The following ZNF836 variants were observed in gnomAD, a reference collection of about 807,000 sequenced individuals.
ZNF836 encodes the protein zinc finger protein 836.
Under a neutral mutation model 7.4 loss-of-function variants are expected in ZNF836, and 12 were observed. The observed-to-expected ratio is 1.61, with a 90% confidence interval of 1.03 to 2.61. ZNF836 has a LOEUF of 2.61. ZNF836 is among the 30% of genes most tolerant of loss of function. The pLI is 0.00. For missense variants in ZNF836, 998 were observed against 1,126.2 expected (o/e 0.89, Z 1.63); for synonymous variants, 365 against 382.6 (o/e 0.95, Z 0.54).
Position 52,171,522 on chromosome 19 carries a change from G to A in ZNF836, c.-401C>T, listed in dbSNP as rs2089308035. ...CTTTTCCCCGCGCGATCTGCTTCCG[G>A]GTGTGCAGGAAGCTACACGCCCTGA... On this transcript the variant is annotated 5_prime_UTR_variant, in exon 1 of 5. Coordinates refer to ENST00000682614, the MANE Select transcript of ZNF836 (RefSeq NM_001102657.3). 6.6e-6 allele frequency: 1 copy of A among 152,256 alleles called. No homozygotes were observed. Among genetic ancestry groups the A allele is most frequent in the African/African-American group, 2.4e-5 (1 of 41,452 alleles). 9.4% of individuals were successfully genotyped at this position (152,256 alleles called of 1,614,324 possible).
Position 52,156,325 on chromosome 19 carries a change from T to C in ZNF836, c.1358A>G (p.Gln453Arg). 6.2e-7 allele frequency: 1 copy of C among 1,614,196 alleles called. No homozygotes were observed. The highest frequency in any genetic ancestry group is 8.5e-7 in the Non-Finnish European group (1 of 1,180,026). Residue 453 changes from glutamine to arginine, a missense_variant, in exon 5 of 5, where the codon CAA becomes CGA. Physicochemically the swap from Gln to Arg is conservative, Grantham distance 43 (BLOSUM62 1). Coordinates refer to ENST00000682614, the MANE Select transcript of ZNF836 (RefSeq NM_001102657.3). ...TCDVCDKVFS[Q>R]RSQLARHQRS... ...CTGGTGCCTTGCAAGTTGTGAACGT[T>C]GACTGAAGACCTTGTCGCATACATC...
Position 52,156,024 on chromosome 19 carries a change from A to G in ZNF836, c.1659T>C (p.Pro553=). The change falls in exon 5 of 5, where the codon CCT becomes CCC. Residue 553 remains proline (P), a synonymous_variant. Coordinates refer to ENST00000682614, the MANE Select transcript of ZNF836 (RefSeq NM_001102657.3). ...RHLRIHTGEQ[P]YKCNVCGKVF... ...CCTTGCCACACACATTACATTTGTA[A>G]GGTTGCTCCCCAGTATGAATTCTTA... 3.1e-6 allele frequency: 5 copies of G among 1,614,006 alleles called. No homozygotes were observed. The highest frequency in any genetic ancestry group is 4.2e-6 in the Non-Finnish European group (5 of 1,179,888).
chr19:52,163,330 C>G (rs1031117993), intron 3 of ZNF836, among the ~76,000 whole-genome samples: 2 of 152,186 alleles, frequency 1.3e-5, no homozygotes, highest in Admixed American at 1.3e-4. Context: ...TTTTCCAAAT[C>G]TTTACACTGG....
chr19:52,156,280 T>A lies in ZNF836; in HGVS notation c.1403A>T (p.Lys468Ile). The A allele has an allele frequency of 6.2e-7, 1 of 1,614,220 alleles. No individual in the cohort carries two copies. Among genetic ancestry groups the A allele is most frequent in the Non-Finnish European group, 8.5e-7 (1 of 1,180,042 alleles). ...GCCACATTCATTGCATTTGTAAGGT[T>A]TCTCTCCAGTATGACTTCTCTGGTG... ...ARHQRSHTGE[K>I]PYKCNECGKV... is the part of the protein sequence containing the mutation. The change falls in exon 5 of 5, where the codon AAA (lysine) becomes ATA (isoleucine). Residue 468 changes from lysine to isoleucine, a missense_variant. Transcript: ENST00000682614.
At chr19:52,164,449 A>G (rs553042499) in intron 3 of ZNF836, among the ~76,000 whole-genome samples, 5,896 of 137,058 alleles carry the variant, frequency 0.043, 191 homozygotes, top group African/African-American at 0.079. Flanking sequence ...GAGAGAGAGA[A>G]AAGGAAGGAA....
chr19:52,167,965 G>C (rs2089279996), intron 3 of ZNF836, 93 bp downstream of exon 3: 2 of 925,082 alleles, frequency 2.2e-6, no homozygotes, highest in Admixed American at 3.9e-5. Flanking sequence ...GTGTCAGGCA[G>C]GATGCTTCAG....
At chr19:52,167,905 T>A (rs1420869711) in intron 3 of ZNF836, among the ~76,000 whole-genome samples, 153 bp downstream of exon 3, 1 of 152,100 alleles carries the variant, frequency 6.6e-6, no homozygotes, top group Non-Finnish European at 1.5e-5. Context: ...AGATAGAAGC[T>A]AAATGAGATG....
Position 52,156,836 on chromosome 19 carries a change from A to T in ZNF836, c.847T>A (p.Phe283Ile). 6.2e-7 allele frequency: 1 copy of T among 1,614,202 alleles called. No individual in the cohort carries two copies. Among genetic ancestry groups the T allele is most frequent in the East Asian group, 2.2e-5 (1 of 44,880 alleles). The change falls in exon 5 of 5, where the codon TTC becomes ATC. Residue 283 changes from phenylalanine (F) to isoleucine (I), a missense_variant. Transcript: ENST00000682614. ...TTTACAAGATCTGAATTTTGTCTGA[A>T]GATCTTGCCACATACACCACATTGA... ...PYQCGVCGKIFRQNSDLVNHR... is the reference protein window; with the variant it reads ...PYQCGVCGKIIRQNSDLVNHR...
intron 3 of ZNF836, among the ~76,000 whole-genome samples, chr19:52,162,058 G>T (rs973396680): frequency 1.3e-5 from 2 of 152,160 alleles, no homozygotes; most frequent in African/African-American, 4.8e-5. Context: ...TTGACTCCGT[G>T]TCCCACCTTC....
intron 3 of ZNF836, among the ~76,000 whole-genome samples, chr19:52,163,720 C>G (rs1278735861): frequency 1.3e-5 from 2 of 152,034 alleles, no homozygotes; most frequent in Non-Finnish European, 2.9e-5. Context: ...TTAGGGGCCA[C>G]TGAGAAAAAA....
At chr19:52,164,054 A>AG (rs1449892134) in intron 3 of ZNF836, among the ~76,000 whole-genome samples, 2 of 135,650 alleles carry the variant, frequency 1.5e-5, no homozygotes, top group African/African-American at 5.4e-5. Flanking sequence ...GAAGGGAGGG[A>AG]GGGAGGGAAG....
chr19:52,157,819 T>C (rs2089179950), intron 4 of ZNF836, among the ~76,000 whole-genome samples: 1 of 152,204 alleles, frequency 6.6e-6, no homozygotes, highest in South Asian at 2.1e-4. Context: ...TCCGCCCACC[T>C]CGGCCCCACA....
At chr19:52,162,187 T>G (rs2089218814) in intron 3 of ZNF836, among the ~76,000 whole-genome samples, 1 of 152,198 alleles carries the variant, frequency 6.6e-6, no homozygotes, top group African/African-American at 2.4e-5. Context: ...CGAGCTGGAA[T>G]CACATACCGG....
chr19:52,164,507 AAG>A (rs201149899), intron 3 of ZNF836, among the ~76,000 whole-genome samples: 12,811 of 151,626 alleles, frequency 0.084, 663 homozygotes, highest in East Asian at 0.22. Context: ...GAGAGAAAGA[AAG>A]AAAGACTAGA....
At position 52,166,730 on chromosome 19, in the gene ZNF836, C is replaced by A. The variant is rs534518244; in HGVS notation, c.15+1328G>T. 8.6e-5 allele frequency among the ~76,000 whole-genome samples: 13 copies of A among 151,678 alleles called. No individual in the cohort carries two copies. The South Asian group carries it at 2.7e-3, about 32-fold the overall frequency. On this transcript the variant is annotated intron_variant, in intron 3 of 4. Transcript: ENST00000682614. The stretch of plus-strand genomic sequence containing the variant: ...CTGGGACTACAGGCCCCCGCCACCA[C>A]GCCCAGCTAATTTTTTTTTTTTTAT...
At chr19:52,164,888 G>A (rs1335592595) in intron 3 of ZNF836, among the ~76,000 whole-genome samples, 1 of 152,202 alleles carries the variant, frequency 6.6e-6, no homozygotes, top group Non-Finnish European at 1.5e-5. Flanking sequence ...AGGAGTTTGA[G>A]ACCAGCTTGG....
At position 52,155,303 on chromosome 19, in the gene ZNF836, C is replaced by A; in HGVS notation, c.2380G>T (p.Ala794Ser). 6.2e-7 allele frequency: 1 copy of A among 1,613,972 alleles called. No individual in the cohort carries two copies. The highest frequency in any genetic ancestry group is 8.5e-7 in the Non-Finnish European group (1 of 1,179,980). ...CCAGTATGAATACTCCGATGACGTG[C>A]TAGTGTTGATTGATGACGAAAGACC... ...GKVFRHQSTL[A>S]RHRSIHTGEK... is the part of the protein sequence containing the mutation. Residue 794 changes from alanine (A) to serine (S), a missense_variant, in exon 5 of 5, where the codon GCA becomes TCA. Physicochemically the swap from Ala to Ser is moderately conservative, Grantham distance 99. Transcript: ENST00000682614.
At chr19:52,169,119 A>T (rs2089289046) in intron 2 of ZNF836, among the ~76,000 whole-genome samples, 1 of 152,218 alleles carries the variant, frequency 6.6e-6, no homozygotes, top group Non-Finnish European at 1.5e-5. Context: ...GTGAAAGTTT[A>T]AAAAAATGAC....
intron 2 of ZNF836, among the ~76,000 whole-genome samples, chr19:52,169,210 T>C (rs900063392): frequency 3.9e-5 from 6 of 152,206 alleles, no homozygotes; most frequent in African/African-American, 1.2e-4. Flanking sequence ...AGTAATTATT[T>C]ATAGAAAGGC....
Sources: allele counts gnomAD v4.1 joint callset (sites outside exome capture counted in the v4.1 genomes callset), GRCh38; gene constraint gnomAD v4.1.1; transcripts MANE v1.5; gene names NCBI Gene and HGNC (gene_info 2026-07-23, HGNC 2026-07-21).